Variants in CNTNAP2 observed in about 807,000 individuals in gnomAD.
CNTNAP2 encodes contactin-associated protein-like 2.
A neutral mutation model predicts 155.2 loss-of-function variants in CNTNAP2; 98 were observed. That is an observed-to-expected ratio of 0.63 (90% CI 0.54 to 0.75). The LOEUF is 0.75. Ranked by LOEUF, CNTNAP2 falls within the 30% of genes least tolerant of loss-of-function variation. The probability of loss-of-function intolerance (pLI) is 0.00; values close to 1 mark genes in which losing one functional copy is unlikely to be tolerated. For synonymous variants in CNTNAP2, 651 were observed against 631.2 expected, an observed-to-expected ratio of 1.03 and a Z score of -0.47; for missense variants, 1,727 against 1,688.1, an observed-to-expected ratio of 1.02 and a Z score of -0.40.
At chr7:146,440,957 C>A (rs1264896233) in intron 1 of CNTNAP2, among the ~76,000 whole-genome samples, 1 of 151,516 alleles carries the variant, frequency 6.6e-6, no homozygotes, top group East Asian at 1.9e-4. Context: ...TGGAATGTCA[C>A]ACAGTTCATT....
chr7:147,352,911 TACTTAA>T (rs1479156475), intron 9 of CNTNAP2, among the ~76,000 whole-genome samples: 2 of 151,914 alleles, frequency 1.3e-5, no homozygotes, highest in Non-Finnish European at 2.9e-5. Context: ...ATGAATCTGA[TACTTAA>T]ACTTTACTAA....
intron 15 of CNTNAP2, among the ~76,000 whole-genome samples, chr7:148,080,604 C>CAA (rs199500286): frequency 9.6e-4 from 67 of 69,650 alleles, no homozygotes; most frequent in African/African-American, 2.3e-3. Context: ...GACTCCATCT[C>CAA]AAAAAAAAAA....
chr7:146,851,351 T>G (rs1794874183), intron 3 of CNTNAP2, among the ~76,000 whole-genome samples: 1 of 152,302 alleles, frequency 6.6e-6, no homozygotes, highest in East Asian at 1.9e-4. Context: ...AGCTTAAAAG[T>G]TAGAAGATCT....
intron 15 of CNTNAP2, among the ~76,000 whole-genome samples, chr7:148,037,456 GT>G (rs1244573669): frequency 2.0e-5 from 3 of 152,126 alleles, no homozygotes; most frequent in Non-Finnish European, 4.4e-5. Flanking sequence ...ATTTTAATGG[GT>G]TACATCTAGG....
At chr7:147,513,814 G>A (rs567978779) in intron 11 of CNTNAP2, among the ~76,000 whole-genome samples, 1 of 152,266 alleles carries the variant, frequency 6.6e-6, no homozygotes, top group African/African-American at 2.4e-5. Context: ...AACCAGAGAC[G>A]CATGCTTCAA....
intron 1 of CNTNAP2, among the ~76,000 whole-genome samples, chr7:146,206,722 A>T (rs1584802099): frequency 6.6e-6 from 1 of 152,088 alleles, no homozygotes; most frequent in African/African-American, 2.4e-5. Flanking sequence ...ACTTATTAAA[A>T]TGCAATTCAC....
At chr7:147,902,879 T>C (rs1219293672) in intron 13 of CNTNAP2, among the ~76,000 whole-genome samples, 1 of 150,762 alleles carries the variant, frequency 6.6e-6, no homozygotes, top group Non-Finnish European at 1.5e-5. Context: ...CATTGACTGA[T>C]GGGCATTTAG....
Position 146,938,370 on chromosome 7 carries a change from T to C in CNTNAP2, c.402+98466T>C, listed in dbSNP as rs572478562. Among the ~76,000 whole-genome samples, 6 of 131,454 alleles carry C rather than the reference T, an allele frequency of 4.6e-5. No homozygotes were observed. In the East Asian group the frequency reaches 1.2e-3, roughly 26 times the overall value. 86.2% of individuals were successfully genotyped at this position (131,454 alleles called of 152,430 possible). A position where few individuals can be genotyped will look rare whatever the true frequency, so the allele number is the denominator to read the frequency against. ...TCTCTGTATATTTACATATATAATA[T>C]ATAAGTAGTAGAAGTAGAAGTAGTT... On this transcript the variant is annotated intron_variant, in intron 3 of 23. Coordinates refer to ENST00000361727, the MANE Select transcript of CNTNAP2 (RefSeq NM_014141.6).
At chr7:146,678,687 G>C (rs1180605446) in intron 1 of CNTNAP2, among the ~76,000 whole-genome samples, 2 of 152,050 alleles carry the variant, frequency 1.3e-5, no homozygotes, top group African/African-American at 4.8e-5. Flanking sequence ...TGCAAAAAGG[G>C]TTTATGAAAT....
chr7:147,057,125 A>G (rs1490919872), intron 4 of CNTNAP2, among the ~76,000 whole-genome samples: 2 of 152,134 alleles, frequency 1.3e-5, no homozygotes, highest in African/African-American at 4.8e-5. Context: ...AACAGCGTCT[A>G]AGTTAAAATA....
chr7:146,851,371 A>C (rs1159541943), intron 3 of CNTNAP2, among the ~76,000 whole-genome samples: 2 of 152,108 alleles, frequency 1.3e-5, no homozygotes, highest in Non-Finnish European at 2.9e-5. Flanking sequence ...TTGGTCTTTA[A>C]TGCTATTGTT....
intron 16 of CNTNAP2, among the ~76,000 whole-genome samples, chr7:148,136,039 G>GGGAGGGAA (rs1445935813): frequency 1.1e-5 from 1 of 88,844 alleles, no homozygotes; most frequent in African/African-American, 4.7e-5. Flanking sequence ...GAGGGAGGGA[G>GGGAGGGAA]GGAGGGAGGG....
chr7:146,933,292 C>T (rs1796824313), intron 3 of CNTNAP2, among the ~76,000 whole-genome samples: 1 of 151,982 alleles, frequency 6.6e-6, no homozygotes, highest in African/African-American at 2.4e-5. Context: ...CGCATATCTA[C>T]AACTATCTGA....
intron 15 of CNTNAP2, among the ~76,000 whole-genome samples, chr7:147,979,277 G>T (rs917902921): frequency 2.3e-4 from 32 of 139,648 alleles, no homozygotes; most frequent in African/African-American, 6.8e-4. Flanking sequence ...CATTTGTTTA[G>T]TCAGGCTTAG....
intron 12 of CNTNAP2, among the ~76,000 whole-genome samples, chr7:147,582,891 G>A (rs1477412025): frequency 6.6e-6 from 1 of 152,058 alleles, no homozygotes; most frequent in Non-Finnish European, 1.5e-5. Flanking sequence ...TTTAACTGCG[G>A]ACTCTAATCC....
chr7:148,409,337 T>C (rs1048058114), intron 22 of CNTNAP2, 54 bp from the exon 23 acceptor site: 1 of 1,356,922 alleles, frequency 7.4e-7, no homozygotes, highest in African/African-American at 1.4e-5. Flanking sequence ...TATCAAATTA[T>C]TTGGGATCAA....
chr7:146,260,608 A>T (rs813908), intron 1 of CNTNAP2, among the ~76,000 whole-genome samples: 31,328 of 152,146 alleles, frequency 0.21, 7,818 homozygotes, highest in African/African-American at 0.6. Flanking sequence ...GCCTGCTGGA[A>T]TTGGACTTGA....
chr7:146,670,176 T>C (rs575961226), intron 1 of CNTNAP2, among the ~76,000 whole-genome samples: 7 of 152,340 alleles, frequency 4.6e-5, no homozygotes, highest in African/African-American at 1.4e-4. Flanking sequence ...TCTTTTTGTG[T>C]AACTAGAAAT....
intron 9 of CNTNAP2, among the ~76,000 whole-genome samples, chr7:147,388,141 C>A (rs1393571803): frequency 6.6e-6 from 1 of 152,080 alleles, no homozygotes; most frequent in African/African-American, 2.4e-5. Context: ...TATTCAAAAT[C>A]TCTTTTTGAT....
Sources: allele counts gnomAD v4.1 joint callset (sites outside exome capture counted in the v4.1 genomes callset), GRCh38; gene constraint gnomAD v4.1.1; transcripts MANE v1.5; gene names NCBI Gene and HGNC (gene_info 2026-07-23, HGNC 2026-07-21).